Variants in PHF8 observed in about 807,000 individuals in gnomAD.
PHF8 encodes histone lysine demethylase PHF8.
A neutral mutation model predicts 74.4 loss-of-function variants in PHF8; 9 were observed. That is an observed-to-expected ratio of 0.12 (90% confidence interval 0.07 to 0.21). The LOEUF is 0.21. Among genes scored for constraint, PHF8 ranks in the 10% least tolerant of loss-of-function variants. PHF8 has a pLI of 1.00. For synonymous variants in PHF8, 311 were observed against 316.6 expected (o/e 0.98, Z 0.19); for missense variants, 478 against 816.6 (o/e 0.59, Z 5.05).
intron 8 of PHF8, 98 bp downstream of exon 8, chrX:54,011,024 A>G (rs1557106609): frequency 1.3e-6 from 1 of 775,925 alleles, no homozygotes; most frequent in African/African-American, 2.1e-5. Context: ...GATATGAGAA[A>G]GACATCCCAC....
chrX:53,960,048 T>A (rs782409617), intron 19 of PHF8, among the ~76,000 whole-genome samples: 28 of 108,997 alleles, frequency 2.6e-4, no homozygotes, highest in Non-Finnish European at 5.0e-4. Flanking sequence ...CAGAAGAACA[T>A]TGCTTTTCCT....
intron 1 of PHF8, chrX:54,043,081 A>G (rs192240690): frequency 0.033 from 21,984 of 660,538 alleles, 318 homozygotes; most frequent in Non-Finnish European, 0.039. Flanking sequence ...GTTGTCAGTG[A>G]TAACTTCTTT....
chrX:54,004,413 GA>G (rs1476184805), intron 8 of PHF8, among the ~76,000 whole-genome samples: 3 of 111,078 alleles, frequency 2.7e-5, no homozygotes, highest in African/African-American at 6.6e-5. Flanking sequence ...TAATTGAAGA[GA>G]AAAACAGACT....
intron 19 of PHF8, among the ~76,000 whole-genome samples, chrX:53,952,055 G>A (rs1326702371): frequency 1.1e-4 from 12 of 110,354 alleles, no homozygotes; most frequent in Non-Finnish European, 2.3e-4. Context: ...GGAGGCCGAA[G>A]CGGGCAGATT....
At chrX:53,981,009 T>G (rs1557097806) in intron 18 of PHF8, among the ~76,000 whole-genome samples, 1 of 112,062 alleles carries the variant, frequency 8.9e-6, no homozygotes, top group African/African-American at 3.2e-5. Context: ...GGTCAGGAGT[T>G]CAAGACCGGC....
chrX:53,995,614 T>C, intron 12 of PHF8, 79 bp downstream of exon 12: 3 of 609,855 alleles, frequency 4.9e-6, no homozygotes, highest in Non-Finnish European at 8.4e-6. Context: ...GCTCTCATGC[T>C]AACTGCAGAG....
Position 53,993,737 on chromosome X carries a change from G to GGCTTCA in PHF8, c.1484_1489dup (p.Leu495_Lys496dup). The stretch of plus-strand genomic sequence containing the variant: ...CTCTGCCTTCTTGAAGAGTTCCTTG[G>GGCTTCA]GCTTCAGGCCTTTCTTCTTTGAACC... On this transcript the variant is annotated inframe_insertion, in exon 13 of 22. Coordinates refer to ENST00000338154, the MANE Select transcript of PHF8 (RefSeq NM_015107.3). The GGCTTCA allele has an allele frequency of 5.0e-6, 6 of 1,211,667 alleles. No homozygotes were observed. The highest frequency in any genetic ancestry group is 6.7e-6 in the Non-Finnish European group (6 of 895,106).
intron 21 of PHF8, 102 bp from the exon 22 acceptor site, chrX:53,939,348 C>T (rs1323817721): frequency 1.5e-5 from 10 of 649,580 alleles, no homozygotes; most frequent in Non-Finnish European, 2.4e-5. Context: ...GTTTCTCTAC[C>T]CACAAAGTTT....
chrX:54,009,111 G>C (rs1363253906), intron 8 of PHF8, among the ~76,000 whole-genome samples: 1 of 111,549 alleles, frequency 9.0e-6, no homozygotes, highest in East Asian at 2.8e-4. Context: ...CCGGGAGGCG[G>C]AAGTTGCAGT....
intron 10 of PHF8, among the ~76,000 whole-genome samples, 169 bp from the exon 11 acceptor site, chrX:54,000,130 A>C (rs2065806501): frequency 8.9e-6 from 1 of 112,285 alleles, no homozygotes; most frequent in African/African-American, 3.2e-5. Context: ...AAGTGCTAGG[A>C]ATGTGATATC....
upstream of PHF8, among the ~76,000 whole-genome samples, chrX:54,048,272 C>A (rs2066642965): frequency 9.0e-6 from 1 of 110,662 alleles, no homozygotes; most frequent in Non-Finnish European, 1.9e-5. Flanking sequence ...GGTCTCCAAG[C>A]CTGAATTAGA....
intron 4 of PHF8, among the ~76,000 whole-genome samples, 170 bp downstream of exon 4, chrX:54,022,089 C>G (rs782745838): frequency 3.6e-5 from 4 of 111,222 alleles, no homozygotes; most frequent in African/African-American, 1.3e-4. Context: ...TCCCAACTAC[C>G]AGAAGTTTTC....
chrX:53,952,925 A>G lies in PHF8; in HGVS notation c.2540-8682T>C, dbSNP rs1433518831. 1.7e-4 allele frequency among the ~76,000 whole-genome samples: 18 copies of G among 108,862 alleles called. No homozygotes were observed. The Admixed American group carries it at 1.7e-3, about 10-fold the overall frequency. The allele number at this position is 108,862 out of a possible 115,157, so 94.5% of individuals were successfully genotyped here. Reference sequence around the variant, plus strand: ...AAAAGAAAGAAAGAAATTAAGTGATAATAATGTGAATTAGAATGGTATAAA... The same window carrying G: ...AAAAGAAAGAAAGAAATTAAGTGATGATAATGTGAATTAGAATGGTATAAA... On this transcript the variant is annotated intron_variant, in intron 19 of 21. Transcript: ENST00000338154.
At chrX:53,956,892 G>C (rs955742182) in intron 19 of PHF8, among the ~76,000 whole-genome samples, 2 of 111,404 alleles carry the variant, frequency 1.8e-5, no homozygotes, top group South Asian at 7.5e-4. Context: ...AGATACTGTT[G>C]TTTGCTTATG....
chrX:53,986,305 G>T (rs781830724), intron 16 of PHF8, among the ~76,000 whole-genome samples: 1 of 112,558 alleles, frequency 8.9e-6, no homozygotes, highest in Non-Finnish European at 1.9e-5. Flanking sequence ...GCAGTGGCAC[G>T]ATCTCGGCTC....
upstream of PHF8, among the ~76,000 whole-genome samples, chrX:54,048,751 C>A (rs2066644603): frequency 8.9e-6 from 1 of 112,313 alleles, no homozygotes; most frequent in Non-Finnish European, 1.9e-5. Flanking sequence ...AGCCTACCTC[C>A]CCCATCCCAC....
intron 17 of PHF8, among the ~76,000 whole-genome samples, chrX:53,985,470 C>CA (rs1457915710): frequency 9.0e-6 from 1 of 110,927 alleles, no homozygotes; most frequent in Non-Finnish European, 1.9e-5. Context: ...GGCAAGGTGG[C>CA]AAAAAAGGGG....
intron 20 of PHF8, chrX:53,943,492 C>A (rs1005736897): frequency 1.1e-6 from 1 of 936,105 alleles, no homozygotes; most frequent in Non-Finnish European, 1.4e-6. Context: ...ACTAACAAAG[C>A]AGATGCTTAA....
intron 18 of PHF8, among the ~76,000 whole-genome samples, chrX:53,977,648 C>CTT (rs1203709777): frequency 9.9e-6 from 1 of 101,017 alleles, no homozygotes; most frequent in Non-Finnish European, 2.0e-5. Flanking sequence ...AGTTCAGTAG[C>CTT]TTTTTTTTTT....
Sources: allele counts gnomAD v4.1 joint callset (sites outside exome capture counted in the v4.1 genomes callset), GRCh38; gene constraint gnomAD v4.1.1; transcripts MANE v1.5; gene names NCBI Gene and HGNC (gene_info 2026-07-23, HGNC 2026-07-21).